The following KCNN2 variants were observed in gnomAD, a reference collection of about 807,000 sequenced individuals.
The protein encoded by KCNN2 is small conductance calcium-activated potassium channel protein 2.
KCNN2 carries 24 observed loss-of-function variants against 55.5 expected under a neutral mutation model. That is an observed-to-expected ratio of 0.43 (90% CI 0.31 to 0.61). The LOEUF (loss-of-function observed/expected upper bound fraction) is 0.61. KCNN2 is among the 20% of genes least tolerant of loss of function. KCNN2 has a pLI of 0.08. For missense variants in KCNN2, 754 were observed against 853.6 expected (o/e 0.88, Z 1.45); for synonymous variants, 431 against 336.1 (o/e 1.28, Z -3.09).
intron 3 of KCNN2, among the ~76,000 whole-genome samples, chr5:114,455,416 ATGT>A (rs1760873378): frequency 6.6e-6 from 1 of 152,186 alleles, no homozygotes; most frequent in Non-Finnish European, 1.5e-5. Flanking sequence ...TAAATGATAA[ATGT>A]TGTGTGTGTT....
chr5:114,404,278 C>G (rs1462666892), intron 2 of KCNN2, among the ~76,000 whole-genome samples, 160 bp from the exon 3 acceptor site: 1 of 152,074 alleles, frequency 6.6e-6, no homozygotes, highest in Admixed American at 6.6e-5. Flanking sequence ...ATACCAATAC[C>G]CTTTACTAAA....
chr5:114,090,223 C>A (rs1751109016), intron 1 of KCNN2, among the ~76,000 whole-genome samples: 1 of 152,120 alleles, frequency 6.6e-6, no homozygotes, highest in Non-Finnish European at 1.5e-5. Flanking sequence ...TCAGGAAAAT[C>A]TCCAAGTAAA....
At chr5:114,216,563 G>T (rs73254121) in intron 1 of KCNN2, among the ~76,000 whole-genome samples, 1 of 151,950 alleles carries the variant, frequency 6.6e-6, no homozygotes, top group Non-Finnish European at 1.5e-5. Flanking sequence ...TTTATCAATA[G>T]ATACAGAAAA....
chr5:114,252,521 TA>T (rs1216729761), intron 2 of KCNN2, among the ~76,000 whole-genome samples: 4 of 152,174 alleles, frequency 2.6e-5, no homozygotes, highest in Non-Finnish European at 5.9e-5. Context: ...AATGTTATTA[TA>T]TAAGATGGAG....
rs1189488855 is a variant in KCNN2, at chr5:114,193,251, A to T, written c.-270-28229A>T. Among the ~76,000 whole-genome samples, 8 of 151,918 alleles carry T rather than the reference A, an allele frequency of 5.3e-5. No individual in the cohort carries two copies. In the South Asian group the frequency reaches 8.3e-4, roughly 16 times the overall value. On this transcript the variant is annotated intron_variant, in intron 1 of 10. Coordinates refer to the KCNN2 transcript ENST00000512097. ...ACTCAGCTCAGCGTCTGGCCTTTTG[A>T]TTTCCTGGATGGGGAACTGGACTCG...
chr5:114,219,461 G>C (rs535704911), intron 1 of KCNN2, among the ~76,000 whole-genome samples: 1 of 152,150 alleles, frequency 6.6e-6, no homozygotes, highest in Non-Finnish European at 1.5e-5. Flanking sequence ...AGGGTACGGG[G>C]TGGGTAGGTA....
At chr5:114,157,330 T>G (rs1752657512) in intron 1 of KCNN2, among the ~76,000 whole-genome samples, 1 of 152,162 alleles carries the variant, frequency 6.6e-6, no homozygotes, top group African/African-American at 2.4e-5. Flanking sequence ...ACAAAGGACA[T>G]GAACTCATCA....
intron 3 of KCNN2, among the ~76,000 whole-genome samples, chr5:114,416,551 G>C (rs944638296): frequency 6.6e-6 from 1 of 152,142 alleles, no homozygotes; most frequent in African/African-American, 2.4e-5. Context: ...TTATAGTACA[G>C]GTCATAGGGA....
intron 2 of KCNN2, among the ~76,000 whole-genome samples, chr5:114,302,441 A>T (rs545452802): frequency 6.6e-6 from 1 of 152,294 alleles, no homozygotes; most frequent in Non-Finnish European, 1.5e-5. Context: ...TCATAAGGAA[A>T]TTCTCCATCT....
intron 4 of KCNN2, among the ~76,000 whole-genome samples, chr5:114,466,100 T>C (rs1020456243): frequency 6.6e-6 from 1 of 152,176 alleles, no homozygotes; most frequent in Non-Finnish European, 1.5e-5. Flanking sequence ...GAGACCAAGA[T>C]CTCTTATTAT....
intron 1 of KCNN2, among the ~76,000 whole-genome samples, chr5:114,155,055 T>C (rs1352216030): frequency 1.3e-5 from 2 of 152,004 alleles, no homozygotes; most frequent in Non-Finnish European, 2.9e-5. Flanking sequence ...CACCCTCAAA[T>C]AGGCCCCAGT....
intron 2 of KCNN2, among the ~76,000 whole-genome samples, chr5:114,399,724 C>A (rs968071826): frequency 6.6e-6 from 1 of 151,954 alleles, no homozygotes; most frequent in Non-Finnish European, 1.5e-5. Flanking sequence ...GCTATGAATT[C>A]CTCTGGTTCT....
intron 2 of KCNN2, among the ~76,000 whole-genome samples, chr5:114,342,137 G>A (rs559015453): frequency 3.9e-5 from 6 of 152,044 alleles, no homozygotes; most frequent in Admixed American, 2.6e-4. Context: ...TCCTGACCTC[G>A]TGATCCACCC....
At chr5:114,398,209 T>C (rs1758679129) in intron 2 of KCNN2, among the ~76,000 whole-genome samples, 1 of 152,170 alleles carries the variant, frequency 6.6e-6, no homozygotes. Context: ...TTTTGTATAT[T>C]GTATAAAGAA....
chr5:114,231,629 A>G lies in KCNN2; in HGVS notation c.-185+10064A>G, dbSNP rs1375191944. ...GATAGTGATCACCATGGCCACATTT[A>G]CTTATCTTTTACTTCTAAGATTTTT... On this transcript the variant is annotated intron_variant, in intron 2 of 10. Coordinates refer to the KCNN2 transcript ENST00000512097. 6.0e-5 allele frequency among the ~76,000 whole-genome samples: 9 copies of G among 151,222 alleles called. 1 individual carries two copies. Among genetic ancestry groups the G allele is most frequent in the Non-Finnish European group, 1.0e-4 (7 of 68,028 alleles).
chr5:114,088,715 G>T (rs1271812952), intron 1 of KCNN2, among the ~76,000 whole-genome samples: 3 of 152,134 alleles, frequency 2.0e-5, no homozygotes, highest in Non-Finnish European at 2.9e-5. Context: ...TGCCTCCTGG[G>T]TTAAGAGGAT....
At chr5:114,066,533 G>A (rs940004149) in intron 1 of KCNN2, among the ~76,000 whole-genome samples, 1 of 152,202 alleles carries the variant, frequency 6.6e-6, no homozygotes, top group African/African-American at 2.4e-5. Context: ...TGTGGGAAAG[G>A]GGCTCACCAG....
At chr5:114,398,502 T>A (rs1004776447) in intron 2 of KCNN2, among the ~76,000 whole-genome samples, 2 of 151,020 alleles carry the variant, frequency 1.3e-5, no homozygotes, top group Non-Finnish European at 2.9e-5. Context: ...TTTTTTGTAG[T>A]TGTTGTTTAG....
At chr5:114,156,264 A>G (rs1424738250) in intron 1 of KCNN2, among the ~76,000 whole-genome samples, 2 of 152,140 alleles carry the variant, frequency 1.3e-5, no homozygotes, top group Admixed American at 6.6e-5. Context: ...TACCAGTACC[A>G]TGCTGTTTTG....
Sources: allele counts gnomAD v4.1 joint callset (sites outside exome capture counted in the v4.1 genomes callset), GRCh38; gene constraint gnomAD v4.1.1; transcripts MANE v1.5; gene names NCBI Gene and HGNC (gene_info 2026-07-23, HGNC 2026-07-21).